Variants in CFAP299 observed in about 807,000 individuals in gnomAD.
CFAP299 encodes cilia and flagella associated protein 299.
Under a neutral mutation model 27.0 loss-of-function variants are expected in CFAP299, and 21 were observed. That is an observed-to-expected ratio of 0.78 (90% CI 0.55 to 1.12). CFAP299 has a LOEUF of 1.12. Among genes scored for constraint, CFAP299 ranks in the 50% most tolerant of loss-of-function variants. CFAP299 has a pLI of 0.00. For missense variants in CFAP299, 310 were observed against 276.6 expected, an observed-to-expected ratio of 1.12 and a Z score of -0.86; for synonymous variants, 104 against 98.1, an observed-to-expected ratio of 1.06 and a Z score of -0.36.
chr4:80,649,521 A>AT (rs1157772644), intron 3 of CFAP299, among the ~76,000 whole-genome samples: 1 of 152,106 alleles, frequency 6.6e-6, no homozygotes, highest in African/African-American at 2.4e-5. Context: ...ATTTTATTTC[A>AT]TTTTCTGGCA....
intron 1 of CFAP299, among the ~76,000 whole-genome samples, chr4:80,338,006 T>C (rs1049440510): frequency 1.3e-5 from 2 of 152,134 alleles, no homozygotes; most frequent in Non-Finnish European, 2.9e-5. Flanking sequence ...CAGAAACAAG[T>C]AGACTCCTCA....
chr4:80,390,799 G>A lies in CFAP299; in HGVS notation c.242+27915G>A, dbSNP rs552376634. Among the ~76,000 whole-genome samples, 479 of 126,368 alleles carry A rather than the reference G, an allele frequency of 3.8e-3. 1 individual carries two copies. Among genetic ancestry groups the A allele is most frequent in the South Asian group, 7.5e-3 (26 of 3,476 alleles). 82.9% of individuals were successfully genotyped at this position (126,368 alleles called of 152,430 possible). ...TATACATATACACATATATGTATATGTATATATGTATACACACATATATGT... is the reference window on the plus strand; with the variant it reads ...TATACATATACACATATATGTATATATATATATGTATACACACATATATGT... On this transcript the variant is annotated intron_variant, in intron 2 of 5. Coordinates refer to ENST00000358105, the MANE Select transcript of CFAP299 (RefSeq NM_152770.3).
At chr4:80,726,845 A>G (rs1018455415) in intron 3 of CFAP299, among the ~76,000 whole-genome samples, 1 of 152,150 alleles carries the variant, frequency 6.6e-6, no homozygotes, top group Non-Finnish European at 1.5e-5. Flanking sequence ...CACAACACCC[A>G]TGAGATATTA....
At chr4:80,772,578 G>T (rs1726282145) in intron 3 of CFAP299, among the ~76,000 whole-genome samples, 1 of 151,872 alleles carries the variant, frequency 6.6e-6, no homozygotes, top group Non-Finnish European at 1.5e-5. Flanking sequence ...TAAGTTCTGG[G>T]GTACATGTGC....
At chr4:80,902,400 ACTT>A in intron 4 of CFAP299, among the ~76,000 whole-genome samples, 1 of 135,250 alleles carries the variant, frequency 7.4e-6, no homozygotes, top group South Asian at 2.3e-4. Flanking sequence ...TATGAAATAT[ACTT>A]TATATAAATA....
At chr4:80,464,694 A>G (rs772640131) in intron 2 of CFAP299, among the ~76,000 whole-genome samples, 1 of 152,174 alleles carries the variant, frequency 6.6e-6, no homozygotes, top group Non-Finnish European at 1.5e-5. Context: ...AAATGTGTTC[A>G]GCTTTCTGTG....
intron 4 of CFAP299, among the ~76,000 whole-genome samples, chr4:80,921,911 A>G (rs1037451647): frequency 4.6e-5 from 7 of 152,022 alleles, no homozygotes; most frequent in Non-Finnish European, 1.0e-4. Context: ...AGAGTCAAGC[A>G]CAATTCCGAG....
intron 2 of CFAP299, among the ~76,000 whole-genome samples, chr4:80,427,084 A>C (rs1030088904): frequency 6.6e-6 from 1 of 152,186 alleles, no homozygotes; most frequent in Non-Finnish European, 1.5e-5. Context: ...AGATGCTTTG[A>C]GGAAAACGGG....
intron 3 of CFAP299, among the ~76,000 whole-genome samples, chr4:80,818,452 G>A (rs1188556916): frequency 6.6e-6 from 1 of 151,672 alleles, no homozygotes; most frequent in Non-Finnish European, 1.5e-5. Context: ...TATGTACTTG[G>A]GTCTCTTATA....
chr4:80,889,902 A>G (rs1367050401), intron 4 of CFAP299, among the ~76,000 whole-genome samples: 1 of 152,152 alleles, frequency 6.6e-6, no homozygotes, highest in East Asian at 1.9e-4. Context: ...GATGCTGAGA[A>G]AGCATTTGAT....
At chr4:80,876,068 C>A (rs895675197) in intron 4 of CFAP299, among the ~76,000 whole-genome samples, 1 of 151,464 alleles carries the variant, frequency 6.6e-6, no homozygotes, top group Non-Finnish European at 1.5e-5. Flanking sequence ...TGAGCACTTA[C>A]TGTGCATAGT....
At chr4:80,476,658 T>C (rs970034470) in intron 2 of CFAP299, among the ~76,000 whole-genome samples, 8 of 152,158 alleles carry the variant, frequency 5.3e-5, no homozygotes, top group African/African-American at 1.9e-4. Flanking sequence ...CCATGATTAA[T>C]CTCATTGTGT....
At chr4:80,554,102 T>A (rs969534365) in intron 2 of CFAP299, among the ~76,000 whole-genome samples, 2 of 152,176 alleles carry the variant, frequency 1.3e-5, no homozygotes, top group Admixed American at 6.6e-5. Flanking sequence ...CTAGGTTGTC[T>A]TCCAGTGTTT....
intron 1 of CFAP299, among the ~76,000 whole-genome samples, chr4:80,344,926 C>A (rs988871772): frequency 6.6e-6 from 1 of 152,068 alleles, no homozygotes; most frequent in Non-Finnish European, 1.5e-5. Flanking sequence ...AAAAGACCTT[C>A]AATAAAATTC....
chr4:80,646,986 A>AGTGTGT (rs763766141), intron 3 of CFAP299, among the ~76,000 whole-genome samples: 4 of 49,192 alleles, frequency 8.1e-5, no homozygotes, highest in African/African-American at 2.0e-4. Context: ...AGAGAGAGAG[A>AGTGTGT]GAGTGTGTGT....
At chr4:80,644,767 C>A (rs1473517077) in intron 3 of CFAP299, among the ~76,000 whole-genome samples, 3 of 152,082 alleles carry the variant, frequency 2.0e-5, no homozygotes, top group African/African-American at 7.2e-5. Flanking sequence ...CTGGAATTGT[C>A]CCATGTGTGA....
chr4:80,697,526 T>C (rs1721183526), intron 3 of CFAP299, among the ~76,000 whole-genome samples: 1 of 152,158 alleles, frequency 6.6e-6, no homozygotes, highest in Non-Finnish European at 1.5e-5. Flanking sequence ...AAAGACAGAA[T>C]TAAGTGAGAA....
intron 2 of CFAP299, among the ~76,000 whole-genome samples, chr4:80,554,505 GTTT>G (rs869288835): frequency 1.7e-4 from 19 of 108,718 alleles, no homozygotes; most frequent in Non-Finnish European, 2.4e-4. Context: ...TTTTCCACTA[GTTT>G]TTTTTTTTTT....
At chr4:80,701,751 A>G (rs1721495505) in intron 3 of CFAP299, among the ~76,000 whole-genome samples, 2 of 151,914 alleles carry the variant, frequency 1.3e-5, no homozygotes, top group South Asian at 4.1e-4. Context: ...TTCTTGATGG[A>G]AAAAAATCCC....
Sources: allele counts gnomAD v4.1 joint callset (sites outside exome capture counted in the v4.1 genomes callset), GRCh38; gene constraint gnomAD v4.1.1; transcripts MANE v1.5; gene names NCBI Gene and HGNC (gene_info 2026-07-23, HGNC 2026-07-21).